The following IQSEC2 variants were observed in gnomAD, a reference collection of about 807,000 sequenced individuals.
The protein encoded by IQSEC2 is IQ motif and SEC7 domain-containing protein 2.
IQSEC2 carries 6 observed loss-of-function variants against 74.6 expected under a neutral mutation model. That is an observed-to-expected ratio of 0.08 (90% CI 0.04 to 0.16). IQSEC2 has a LOEUF of 0.16. Ranked by LOEUF, IQSEC2 falls within the 10% of genes least tolerant of loss-of-function variation. The pLI is 1.00. For synonymous variants in IQSEC2, 494 were observed against 544.5 expected, an observed-to-expected ratio of 0.91 and a Z score of 1.29; for missense variants, 734 against 1,306.2, an observed-to-expected ratio of 0.56 and a Z score of 6.75.
At chrX:53,279,293 A>T (rs1279357669) in intron 2 of IQSEC2, 1 of 299,082 alleles carries the variant, frequency 3.3e-6, no homozygotes, top group Non-Finnish European at 5.9e-6. Flanking sequence ...TCCTTTAAAA[A>T]AGCTGGATTA....
chrX:53,239,330 C>G (rs1556860418), intron 10 of IQSEC2, 36 bp from the exon 11 acceptor site: 1 of 926,874 alleles, frequency 1.1e-6, no homozygotes, highest in African/African-American at 1.9e-5. Flanking sequence ...AGAGGCAGCG[C>G]TTTGGGTGGG....
intron 2 of IQSEC2, among the ~76,000 whole-genome samples, chrX:53,282,249 T>C (rs2074977563): frequency 8.9e-6 from 1 of 112,555 alleles, no homozygotes; most frequent in Non-Finnish European, 1.9e-5. Context: ...TTCTTCCAAG[T>C]AAACTGCCCA....
chrX:53,233,877 G>A lies in IQSEC2; in HGVS notation c.*342C>T, dbSNP rs1602255790. 3.4e-6 allele frequency: 1 copy of A among 296,391 alleles called. No individual in the cohort carries two copies. The highest frequency in any genetic ancestry group is 4.8e-5 in the East Asian group (1 of 20,929). 24.4% of individuals were successfully genotyped at this position (296,391 alleles called of 1,213,427 possible). A position where few individuals can be genotyped will look rare whatever the true frequency, so the allele number is the denominator to read the frequency against. On this transcript the variant is annotated 3_prime_UTR_variant, in exon 15 of 15. Coordinates refer to ENST00000642864, the MANE Select transcript of IQSEC2 (RefSeq NM_001111125.3). Reference sequence around the variant, plus strand: ...CAGAGCTCACAGAGAGCTCACACAGGCCCAGAGGTCTGAGGCCACAGAGCT... The same window carrying A: ...CAGAGCTCACAGAGAGCTCACACAGACCCAGAGGTCTGAGGCCACAGAGCT...
intron 8 of IQSEC2, among the ~76,000 whole-genome samples, chrX:53,245,098 T>C (rs906898560): frequency 3.6e-5 from 4 of 109,795 alleles, no homozygotes; most frequent in African/African-American, 1.3e-4. Context: ...CCACTTCTGA[T>C]TGCTGAGTGA....
chrX:53,272,032 T>A (rs2074751636), intron 2 of IQSEC2, among the ~76,000 whole-genome samples: 1 of 110,951 alleles, frequency 9.0e-6, no homozygotes, highest in South Asian at 3.9e-4. Flanking sequence ...CCCAATAACA[T>A]CCCGTTTCTT....
At chrX:53,309,040 G>T (rs1288131190) in intron 1 of IQSEC2, among the ~76,000 whole-genome samples, 1 of 106,097 alleles carries the variant, frequency 9.4e-6, no homozygotes, top group African/African-American at 3.5e-5. Context: ...GGAGTTTGAG[G>T]TCATAGTGAG....
Position 53,236,510 on chromosome X carries a change from G to A in IQSEC2, c.3278-15C>T, listed in dbSNP as rs782382296. ...CTCCAGCTCCGCTGGGTGGCAGTCG[G>A]GGAGACAGGGAGCAAAGGTCAGGAA... On this transcript the variant is annotated splice_polypyrimidine_tract_variant and intron_variant, in intron 12 of 14. Coordinates refer to ENST00000642864, the MANE Select transcript of IQSEC2 (RefSeq NM_001111125.3). The A allele has an allele frequency of 8.4e-7, 1 of 1,185,259 alleles. No individual in the cohort carries two copies. Among genetic ancestry groups the A allele is most frequent in the South Asian group, 1.9e-5 (1 of 53,778 alleles).
At chrX:53,270,810 C>T (rs1602317861) in intron 2 of IQSEC2, among the ~76,000 whole-genome samples, 1 of 110,203 alleles carries the variant, frequency 9.1e-6, no homozygotes, top group South Asian at 3.9e-4. Flanking sequence ...CTGTCATCTC[C>T]ACCTCCTCCT....
chrX:53,281,483 C>T (rs1182135815), intron 2 of IQSEC2: 8 of 1,048,697 alleles, frequency 7.6e-6, no homozygotes, highest in Non-Finnish European at 1.0e-5. Flanking sequence ...GGCTGCGGGG[C>T]CCAGGTTCCT....
chrX:53,242,068 C>T (rs188980321), intron 9 of IQSEC2, among the ~76,000 whole-genome samples, 159 bp from the exon 10 acceptor site: 1 of 112,174 alleles, frequency 8.9e-6, no homozygotes, highest in Admixed American at 9.4e-5. Context: ...TATCTGCTAC[C>T]TTGCCTTTGC....
At chrX:53,317,039 G>A (rs782357373) in intron 1 of IQSEC2, among the ~76,000 whole-genome samples, 1 of 110,467 alleles carries the variant, frequency 9.1e-6, no homozygotes, top group Non-Finnish European at 1.9e-5. Flanking sequence ...GCTCTTCAGC[G>A]TGGAGCAACT....
intron 1 of IQSEC2, among the ~76,000 whole-genome samples, chrX:53,303,949 T>C (rs2075236165): frequency 9.1e-6 from 1 of 109,697 alleles, no homozygotes; most frequent in Admixed American, 9.7e-5. Flanking sequence ...GCCAAGATGG[T>C]GAAACCCCGT....
At chrX:53,296,670 C>T (rs1437418602) in intron 1 of IQSEC2, among the ~76,000 whole-genome samples, 2 of 110,830 alleles carry the variant, frequency 1.8e-5, no homozygotes, top group Non-Finnish European at 3.8e-5. Flanking sequence ...AAGCGATTCT[C>T]TTGCCTCAGC....
chrX:53,306,519 C>T (rs1473716312), intron 1 of IQSEC2, among the ~76,000 whole-genome samples: 1 of 111,270 alleles, frequency 9.0e-6, no homozygotes, highest in Non-Finnish European at 1.9e-5. Flanking sequence ...CTTGGATGAC[C>T]CCAAATGAGG....
In IQSEC2 at chrX:53,241,768, C is replaced by T. The variant is rs184771608; in HGVS notation, c.3015+16G>A. Reference sequence around the variant, plus strand: ...TCACTCTCTCCCTCCCATCTCCTCCCCCACAGTGCTCATACCACAAGGAGA... The same window carrying T: ...TCACTCTCTCCCTCCCATCTCCTCCTCCACAGTGCTCATACCACAAGGAGA... On this transcript the variant is annotated intron_variant, in intron 10 of 14. Transcript: ENST00000642864. The T allele has an allele frequency of 3.0e-4, 367 of 1,209,298 alleles. 2 individuals are homozygous for T. In the East Asian group the frequency reaches 0.011, roughly 36 times the overall value.
chrX:53,254,455 C>A, intron 4 of IQSEC2, 75 bp downstream of exon 4: 2 of 1,022,403 alleles, frequency 2.0e-6, no homozygotes, highest in Non-Finnish European at 2.6e-6. Context: ...TTTCAGTTTG[C>A]AATCTAGGTA....
At chrX:53,279,732 G>A in intron 2 of IQSEC2, 1 of 626,785 alleles carries the variant, frequency 1.6e-6, no homozygotes, top group Non-Finnish European at 2.6e-6. Flanking sequence ...GGTGGGCGAT[G>A]GGGGCAAGAA....
intron 2 of IQSEC2, among the ~76,000 whole-genome samples, chrX:53,274,452 CTTTTTTTTTTTTTTTT>C (rs66510453): frequency 2.1e-5 from 1 of 47,113 alleles, no homozygotes; most frequent in Non-Finnish European, 3.3e-5. Flanking sequence ...AGTTACATTT[CTTTTTTTTTTTTTTTT>C]TTTTTTTTTT....
intron 2 of IQSEC2, among the ~76,000 whole-genome samples, chrX:53,270,455 G>A (rs1004910882): frequency 1.4e-4 from 16 of 110,518 alleles, no homozygotes; most frequent in Non-Finnish European, 1.7e-4. Flanking sequence ...CTGGAACATC[G>A]TCCCTGAGAG....
Sources: allele counts gnomAD v4.1 joint callset (sites outside exome capture counted in the v4.1 genomes callset), GRCh38; gene constraint gnomAD v4.1.1; transcripts MANE v1.5; gene names NCBI Gene and HGNC (gene_info 2026-07-23, HGNC 2026-07-21).